The following IP6K1 variants were observed in gnomAD, a reference collection of about 807,000 sequenced individuals.
IP6K1 encodes inositol hexakisphosphate kinase 1.
In IP6K1, 13 loss-of-function variants were observed where a neutral mutation model predicts 38.3. The observed-to-expected ratio is 0.34, with a 90% CI of 0.22 to 0.54. The LOEUF is 0.54. Among genes scored for constraint, IP6K1 ranks in the 20% least tolerant of loss-of-function variants. IP6K1 has a pLI of 0.92. For missense variants in IP6K1, 397 were observed against 599.8 expected (o/e 0.66, Z 3.53); for synonymous variants, 212 against 229.9 (o/e 0.92, Z 0.70).
chr3:49,776,075 T>C (rs1421031686), intron 1 of IP6K1, among the ~76,000 whole-genome samples: 1 of 151,792 alleles, frequency 6.6e-6, no homozygotes, highest in Non-Finnish European at 1.5e-5. Flanking sequence ...AATGTAGCCA[T>C]TTACTCTTTT....
chr3:49,743,915 C>T (rs1003778311), intron 2 of IP6K1, among the ~76,000 whole-genome samples: 7 of 151,764 alleles, frequency 4.6e-5, no homozygotes, highest in Non-Finnish European at 7.4e-5. Context: ...CCACCATGCC[C>T]GGCGGAGCCA....
At chr3:49,780,538 C>T (rs1202424863) in intron 1 of IP6K1, among the ~76,000 whole-genome samples, 1 of 152,140 alleles carries the variant, frequency 6.6e-6, no homozygotes, top group East Asian at 1.9e-4. Context: ...ATCACTGTTC[C>T]TTATAGCGTC....
At chr3:49,780,495 G>A (rs149866048) in intron 1 of IP6K1, among the ~76,000 whole-genome samples, 1 of 152,144 alleles carries the variant, frequency 6.6e-6, no homozygotes, top group Admixed American at 6.6e-5. Flanking sequence ...TCAGAAACAA[G>A]AGTGTACTGT....
At chr3:49,756,838 A>AAAAAAAAAAAAG (rs1559710132) in intron 1 of IP6K1, among the ~76,000 whole-genome samples, 5 of 119,182 alleles carry the variant, frequency 4.2e-5, no homozygotes, top group Non-Finnish European at 6.8e-5. Flanking sequence ...AAAAAAAAAA[A>AAAAAAAAAAAAG]AAAGAAAAAA....
At chr3:49,770,523 T>C (rs770724454) in intron 1 of IP6K1, among the ~76,000 whole-genome samples, 2 of 152,044 alleles carry the variant, frequency 1.3e-5, no homozygotes, top group African/African-American at 2.4e-5. Flanking sequence ...AGCTCACCTG[T>C]AGTCTTAGCT....
intron 1 of IP6K1, among the ~76,000 whole-genome samples, chr3:49,782,361 G>T (rs1022119049): frequency 3.3e-5 from 5 of 151,930 alleles, no homozygotes; most frequent in African/African-American, 9.7e-5. Context: ...AGTAGAGACG[G>T]TTTTTCACCA....
intron 1 of IP6K1, among the ~76,000 whole-genome samples, chr3:49,764,701 C>A (rs1202655934): frequency 1.3e-5 from 2 of 151,976 alleles, no homozygotes; most frequent in Non-Finnish European, 2.9e-5. Flanking sequence ...CAACATGGCA[C>A]AATCCCATGT....
intron 4 of IP6K1, among the ~76,000 whole-genome samples, chr3:49,730,237 A>G (rs986065718): frequency 9.2e-5 from 14 of 151,962 alleles, no homozygotes; most frequent in Non-Finnish European, 1.9e-4. Context: ...GGGTCTCACT[A>G]TGTTGTCCAG....
In IP6K1 at chr3:49,727,029, TAA is replaced by T. The variant is rs2080510967; in HGVS notation, c.*91_*92del. On this transcript the variant is annotated 3_prime_UTR_variant, in exon 6 of 6. Transcript: ENST00000321599. This position sits in a 1 kb window ranked among gnomAD's most constrained non-coding sequence, Gnocchi z 5.9. ...TACACCAAAGAGAAATATAACCCTTTAAAAGCAAGTCTGTGTGTCCTCACGGC... is the reference window on the plus strand; with the variant it reads ...TACACCAAAGAGAAATATAACCCTTTAAGCAAGTCTGTGTGTCCTCACGGC... 7.9e-7 allele frequency: 1 copy of T among 1,272,402 alleles called. No individual in the cohort carries two copies. Among genetic ancestry groups the T allele is most frequent in the Non-Finnish European group, 1.1e-6 (1 of 915,396 alleles). The allele number at this position is 1,272,402 out of a possible 1,614,324, so 78.8% of individuals were successfully genotyped here.
chr3:49,743,648 TC>T (rs1252771868), intron 2 of IP6K1, among the ~76,000 whole-genome samples: 1 of 149,496 alleles, frequency 6.7e-6, no homozygotes, highest in Non-Finnish European at 1.5e-5. Flanking sequence ...GACAAGAGTT[TC>T]ACTCTTGTTG....
chr3:49,785,182 T>C (rs1302646495), intron 1 of IP6K1, among the ~76,000 whole-genome samples: 1 of 152,090 alleles, frequency 6.6e-6, no homozygotes, highest in African/African-American at 2.4e-5. Context: ...TTGAAGGTGT[T>C]TTCACTGAGC....
At chr3:49,743,557 T>C (rs1024272368) in intron 2 of IP6K1, among the ~76,000 whole-genome samples, 5 of 151,126 alleles carry the variant, frequency 3.3e-5, no homozygotes, top group Admixed American at 6.6e-5. Context: ...GGCGTGCCTA[T>C]AGTCCCAGCT....
intron 1 of IP6K1, chr3:49,758,648 G>A (rs562319409): frequency 6.6e-6 from 1 of 152,282 alleles, no homozygotes; most frequent in South Asian, 2.1e-4. Flanking sequence ...CTTTCAGAGT[G>A]CAAAGTAATT....
intron 4 of IP6K1, 23 bp from the exon 5 acceptor site, chr3:49,728,301 G>T: frequency 6.2e-7 from 1 of 1,607,518 alleles, no homozygotes; most frequent in South Asian, 1.1e-5. Flanking sequence ...CAAGGAGAAT[G>T]ACAACCACAC....
chr3:49,746,166 A>G (rs73077184), intron 2 of IP6K1, among the ~76,000 whole-genome samples: 2 of 152,202 alleles, frequency 1.3e-5, no homozygotes, highest in Non-Finnish European at 2.9e-5. Flanking sequence ...AAGGTAAACA[A>G]AGAACTTCCA....
At chr3:49,748,456 C>T (rs2080743651) in intron 1 of IP6K1, among the ~76,000 whole-genome samples, 1 of 152,194 alleles carries the variant, frequency 6.6e-6, no homozygotes, top group African/African-American at 2.4e-5. Flanking sequence ...AGCTACAGCA[C>T]ATTACAACCA....
chr3:49,741,393 G>A (rs1432446076), intron 2 of IP6K1, among the ~76,000 whole-genome samples: 2 of 151,970 alleles, frequency 1.3e-5, no homozygotes, highest in Admixed American at 1.3e-4. Flanking sequence ...ATCTTATTTT[G>A]GTTTTGATTT....
intron 1 of IP6K1, among the ~76,000 whole-genome samples, chr3:49,754,934 T>TG (rs2080809250): frequency 6.6e-6 from 1 of 151,454 alleles, no homozygotes; most frequent in Admixed American, 6.6e-5. Context: ...ATCTTTTTTT[T>TG]TTTTTTGAGA....
intron 1 of IP6K1, chr3:49,785,489 G>C (rs1246307645): frequency 1.3e-5 from 2 of 152,168 alleles, no homozygotes; most frequent in Non-Finnish European, 2.9e-5. Context: ...CTGGGCAACA[G>C]AGCGAGAGAC....
Sources: gnomAD v4.1 joint callset for allele counts (sites outside exome capture counted in the v4.1 genomes callset) on GRCh38, gnomAD v4.1.1 for gene constraint, Gnocchi (gnomAD v3.1) non-coding constraint, MANE v1.5 for transcripts, NCBI Gene and HGNC (gene_info 2026-07-23, HGNC 2026-07-21) for gene names.